FOXO1: variants seen among roughly 807,000 people sequenced by gnomAD.
The protein encoded by FOXO1 is forkhead box protein O1.
A neutral mutation model predicts 44.1 loss-of-function variants in FOXO1; 6 were observed. The ratio of observed to expected loss-of-function variants is 0.14; its 90% CI spans 0.07 to 0.27. FOXO1 has a LOEUF of 0.27. FOXO1 is among the 10% of genes least tolerant of loss of function. FOXO1 has a pLI of 1.00. For synonymous variants in FOXO1, 380 were observed against 362.7 expected (o/e 1.05, Z -0.54); for missense variants, 737 against 888.8 (o/e 0.83, Z 2.17).
chr13:40,640,994 G>C (rs912171244), intron 1 of FOXO1, among the ~76,000 whole-genome samples: 4 of 152,158 alleles, frequency 2.6e-5, no homozygotes, highest in Admixed American at 2.0e-4. Context: ...ATGTTGGCCA[G>C]GCTGGTCTCA....
chr13:40,601,423 T>C (rs549124127), intron 1 of FOXO1, among the ~76,000 whole-genome samples: 6 of 152,214 alleles, frequency 3.9e-5, no homozygotes, highest in Non-Finnish European at 7.4e-5. Flanking sequence ...AGATAACGCA[T>C]AGAAAACAAA....
intron 1 of FOXO1, among the ~76,000 whole-genome samples, chr13:40,653,857 G>A (rs1024772735): frequency 2.6e-5 from 4 of 152,080 alleles, no homozygotes; most frequent in Non-Finnish European, 5.9e-5. Context: ...GTTTTAAACA[G>A]AAACACATAT....
Position 40,659,298 on chromosome 13 carries a change from G to C in FOXO1, c.630+6285C>G, listed in dbSNP as rs536857319. ...CCACTGCACTCCAGCCTGGGTGACA[G>C]AGCAAGACTCCGTCTCAAAAAAAAA... On this transcript the variant is annotated intron_variant, in intron 1 of 2. Coordinates refer to ENST00000379561, the MANE Select transcript of FOXO1 (RefSeq NM_002015.4). Among the ~76,000 whole-genome samples, 19 of 135,600 alleles carry C rather than the reference G, an allele frequency of 1.4e-4. 1 individual carries two copies. In the South Asian group the frequency reaches 4.0e-3, roughly 28 times the overall value. The allele number at this position is 135,600 out of a possible 152,430, so 89.0% of individuals were successfully genotyped here.
rs9566555 is a variant in FOXO1 at position 40,641,870 on chromosome 13, C to A, written c.630+23713G>T. The stretch of plus-strand genomic sequence containing the variant: ...GCATGGTGGCGCATACTTGTAATCC[C>A]AGCTACTTGGGAGGCTGAGGTGAGA... On this transcript the variant is annotated intron_variant, in intron 1 of 2. Transcript: ENST00000379561. 1.1e-3 allele frequency among the ~76,000 whole-genome samples: 163 copies of A among 152,200 alleles called. 4 individuals carry two copies. In the East Asian group the frequency reaches 0.019, roughly 18 times the overall value.
At chr13:40,655,637 C>CTTTTTTTTTTTTTTTTTTTT (rs774180443) in intron 1 of FOXO1, among the ~76,000 whole-genome samples, 1 of 101,318 alleles carries the variant, frequency 9.9e-6, no homozygotes, top group African/African-American at 4.1e-5. Context: ...TTCTACACTT[C>CTTTTTTTTTTTTTTTTTTTT]TTTTTTTTTT....
chr13:40,634,814 A>G lies in FOXO1; in HGVS notation c.630+30769T>C, dbSNP rs11839383. On this transcript the variant is annotated intron_variant, in intron 1 of 2. Transcript: ENST00000379561. ...CCTTCCTCAGCCCCGAGTAGCTGGGATTACAGGTGCCCACCACCCCGCCCA... is the reference window on the plus strand; with the variant it reads ...CCTTCCTCAGCCCCGAGTAGCTGGGGTTACAGGTGCCCACCACCCCGCCCA... 1.4e-3 allele frequency among the ~76,000 whole-genome samples: 207 copies of G among 152,048 alleles called. 2 individuals are homozygous for G. Among genetic ancestry groups the G allele is most frequent in the African/African-American group, 4.7e-3 (197 of 41,484 alleles).
chr13:40,607,326 G>C (rs974253475), intron 1 of FOXO1, among the ~76,000 whole-genome samples: 56 of 152,206 alleles, frequency 3.7e-4, no homozygotes, highest in African/African-American at 1.2e-3. Context: ...AATCTTGCTT[G>C]GATGAACACT....
chr13:40,565,548 G>C (rs532565894), intron 1 of FOXO1, among the ~76,000 whole-genome samples: 3 of 152,236 alleles, frequency 2.0e-5, no homozygotes, highest in African/African-American at 7.2e-5. Flanking sequence ...GGGGCGGTGG[G>C]GGGGCATGCC....
chr13:40,593,172 T>C (rs1043839736), intron 1 of FOXO1, among the ~76,000 whole-genome samples: 2 of 152,036 alleles, frequency 1.3e-5, no homozygotes, highest in Non-Finnish European at 2.9e-5. Flanking sequence ...CATAGGCACA[T>C]GTCACCACGC....
At chr13:40,616,577 A>C (rs1876431020) in intron 1 of FOXO1, among the ~76,000 whole-genome samples, 1 of 152,236 alleles carries the variant, frequency 6.6e-6, no homozygotes, top group East Asian at 1.9e-4. Flanking sequence ...GTAAACTCAC[A>C]GGTAGCAGCA....
At chr13:40,626,453 T>A (rs1876787943) in intron 1 of FOXO1, among the ~76,000 whole-genome samples, 1 of 152,222 alleles carries the variant, frequency 6.6e-6, no homozygotes, top group South Asian at 2.1e-4. Context: ...TGTTCTCTAG[T>A]CAGACTTCAT....
intron 1 of FOXO1, among the ~76,000 whole-genome samples, chr13:40,652,356 GCTCA>G: frequency 6.9e-6 from 1 of 145,750 alleles, no homozygotes; most frequent in East Asian, 2.0e-4. Flanking sequence ...CAAGATCTCC[GCTCA>G]CTGCAACCTC....
chr13:40,587,319 A>G (rs1015479379), intron 1 of FOXO1, among the ~76,000 whole-genome samples: 19 of 152,102 alleles, frequency 1.2e-4, no homozygotes, highest in Admixed American at 6.6e-5. Flanking sequence ...GGAGACCACA[A>G]TAAGAAGCAA....
intron 1 of FOXO1, among the ~76,000 whole-genome samples, chr13:40,588,089 A>T (rs760374345): frequency 1.3e-5 from 2 of 152,198 alleles, no homozygotes; most frequent in African/African-American, 4.8e-5. Context: ...GAAAGGATTC[A>T]ATTCAATTAA....
intron 1 of FOXO1, among the ~76,000 whole-genome samples, chr13:40,631,449 AATAG>A (rs1187901228): frequency 6.6e-6 from 1 of 152,258 alleles, no homozygotes; most frequent in East Asian, 1.9e-4. Context: ...AAGAAAAAAA[AATAG>A]ATACTTTGGA....
intron 1 of FOXO1, among the ~76,000 whole-genome samples, chr13:40,623,916 T>C (rs1020147258): frequency 7.3e-6 from 1 of 137,456 alleles, no homozygotes; most frequent in African/African-American, 2.8e-5. Flanking sequence ...TGAGACACCA[T>C]CTCTTAAAAA....
intron 1 of FOXO1, among the ~76,000 whole-genome samples, chr13:40,646,292 CTTTTT>C (rs199747779): frequency 3.1e-5 from 4 of 129,870 alleles, no homozygotes; most frequent in Non-Finnish European, 1.6e-5. Flanking sequence ...CTTCTGTGAC[CTTTTT>C]TTTTTTTTTT....
At chr13:40,631,231 C>A (rs547439285) in intron 1 of FOXO1, among the ~76,000 whole-genome samples, 6 of 152,204 alleles carry the variant, frequency 3.9e-5, no homozygotes, top group African/African-American at 1.4e-4. Flanking sequence ...CCAAAGCAGA[C>A]CAACAACTAG....
At chr13:40,581,385 C>G (rs1362041756) in intron 1 of FOXO1, among the ~76,000 whole-genome samples, 1 of 152,160 alleles carries the variant, frequency 6.6e-6, no homozygotes, top group Non-Finnish European at 1.5e-5. Flanking sequence ...CTGCTCGCTC[C>G]TTGATCAGTC....
Sources: allele counts gnomAD v4.1 joint callset (sites outside exome capture counted in the v4.1 genomes callset), GRCh38; gene constraint gnomAD v4.1.1; transcripts MANE v1.5; gene names NCBI Gene and HGNC (gene_info 2026-07-23, HGNC 2026-07-21).